CCSER1: variants seen among roughly 807,000 people sequenced by gnomAD.
CCSER1 encodes coiled-coil serine rich protein 1.
In CCSER1, 41 loss-of-function variants were observed where a neutral mutation model predicts 82.0. The observed-to-expected ratio is 0.50, with a 90% CI of 0.39 to 0.65. The LOEUF is 0.65. CCSER1 is among the 30% of genes least tolerant of loss of function. The pLI, the probability that CCSER1 is intolerant of heterozygous loss-of-function variation, is 0.00. For synonymous variants in CCSER1, 414 were observed against 383.9 expected, an observed-to-expected ratio of 1.08 and a Z score of -0.92; for missense variants, 1,119 against 1,064.2, an observed-to-expected ratio of 1.05 and a Z score of -0.72.
At chr4:90,563,960 A>G (rs951533524) in intron 5 of CCSER1, among the ~76,000 whole-genome samples, 2 of 152,036 alleles carry the variant, frequency 1.3e-5, no homozygotes, top group African/African-American at 4.8e-5. Context: ...AGCCTTTGCC[A>G]TTTTGGTAAC....
At chr4:91,598,524 T>C (rs1323327707) in intron 10 of CCSER1, 48 bp from the exon 11 acceptor site, 2 of 1,496,732 alleles carry the variant, frequency 1.3e-6, no homozygotes, top group Non-Finnish European at 1.8e-6. Context: ...ATGTATGCTA[T>C]GAAAGTGTTT....
At chr4:90,856,950 A>G (rs1244898404) in intron 8 of CCSER1, among the ~76,000 whole-genome samples, 1 of 150,316 alleles carries the variant, frequency 6.7e-6, no homozygotes, top group Non-Finnish European at 1.5e-5. Context: ...TTTTTTTTTA[A>G]GACTACAATG....
At chr4:90,591,323 G>A (rs896777245) in intron 5 of CCSER1, among the ~76,000 whole-genome samples, 1 of 152,096 alleles carries the variant, frequency 6.6e-6, no homozygotes, top group African/African-American at 2.4e-5. Context: ...ATACTATGTT[G>A]AATAGGGGTG....
intron 6 of CCSER1, among the ~76,000 whole-genome samples, chr4:90,631,402 CT>C (rs1289232683): frequency 1.3e-5 from 2 of 152,136 alleles, no homozygotes; most frequent in African/African-American, 2.4e-5. Context: ...TATTTTTACA[CT>C]TTTGCTAATA....
intron 3 of CCSER1, among the ~76,000 whole-genome samples, chr4:90,391,712 T>C (rs1034925418): frequency 8.6e-5 from 13 of 151,502 alleles, no homozygotes; most frequent in Admixed American, 8.6e-4. Flanking sequence ...GGCAGAAGTT[T>C]ATGGGAACAC....
In CCSER1 at chr4:90,836,963, A is replaced by T. The variant is rs148036513; in HGVS notation, c.2094+21118A>T. Among the ~76,000 whole-genome samples the T allele has an allele frequency of 1.6e-4, 24 of 152,360 alleles. No individual in the cohort carries two copies. The East Asian group carries it at 4.2e-3, about 27-fold the overall frequency. ...TTTGCAATGATCAGTTGAAGCTGAAAATAACTTTATCTACCACTAATAATA... is the reference window on the plus strand; with the variant it reads ...TTTGCAATGATCAGTTGAAGCTGAATATAACTTTATCTACCACTAATAATA... On this transcript the variant is annotated intron_variant, in intron 8 of 10. Coordinates refer to ENST00000509176, the MANE Select transcript of CCSER1 (RefSeq NM_001145065.2).
intron 10 of CCSER1, among the ~76,000 whole-genome samples, chr4:91,133,345 T>TGTCTGTGG (rs1181473492): frequency 6.6e-6 from 1 of 152,112 alleles, no homozygotes; most frequent in Admixed American, 6.6e-5. Context: ...GTGCTAAGAT[T>TGTCTGTGG]GTCTGTGGGA....
At chr4:90,156,738 C>T (rs1728278582) in intron 1 of CCSER1, among the ~76,000 whole-genome samples, 1 of 152,142 alleles carries the variant, frequency 6.6e-6, no homozygotes, top group Admixed American at 6.6e-5. Context: ...AGATCTTCCT[C>T]TATCCTTTTA....
rs1404784182 is a variant in CCSER1 at position 90,559,215 on chromosome 4, C to T, written c.1725-68810C>T. Among the ~76,000 whole-genome samples the T allele has an allele frequency of 2.6e-5, 4 of 152,192 alleles. 1 individual carries two copies. The South Asian group carries it at 6.2e-4, about 24-fold the overall frequency. On this transcript the variant is annotated intron_variant, in intron 5 of 10. Coordinates refer to ENST00000509176, the MANE Select transcript of CCSER1 (RefSeq NM_001145065.2). ...TAAATTGAGTGTTGTCCAAATTTAG[C>T]TGCCCCCCTTTTATTAATTGCTCCC...
At chr4:91,483,880 C>T (rs945592211) in intron 10 of CCSER1, among the ~76,000 whole-genome samples, 1 of 151,774 alleles carries the variant, frequency 6.6e-6, no homozygotes, top group Non-Finnish European at 1.5e-5. Flanking sequence ...GAACGATAAC[C>T]CCAAGTTTTA....
At chr4:91,148,898 G>T (rs1217506315) in intron 10 of CCSER1, among the ~76,000 whole-genome samples, 1 of 152,116 alleles carries the variant, frequency 6.6e-6, no homozygotes, top group Non-Finnish European at 1.5e-5. Flanking sequence ...TGGACATTTG[G>T]GTTGGTTCCA....
At chr4:91,072,126 A>T (rs979559352) in intron 9 of CCSER1, among the ~76,000 whole-genome samples, 2 of 152,132 alleles carry the variant, frequency 1.3e-5, no homozygotes, top group African/African-American at 4.8e-5. Flanking sequence ...AAGTCCCTGG[A>T]GCAGAAGGAA....
intron 7 of CCSER1, among the ~76,000 whole-genome samples, chr4:90,796,418 T>TAAA (rs70963082): frequency 1.3e-5 from 1 of 79,698 alleles, no homozygotes; most frequent in Non-Finnish European, 2.5e-5. Flanking sequence ...GTACTAAATT[T>TAAA]AAAAAAAAAA....
chr4:91,440,956 T>G (rs1306159876), intron 10 of CCSER1, among the ~76,000 whole-genome samples: 10 of 150,976 alleles, frequency 6.6e-5, no homozygotes, highest in East Asian at 2.0e-4. Context: ...AATAACAGGA[T>G]CTGAAATTGT....
chr4:91,185,595 G>C lies in CCSER1; in HGVS notation c.2217+99601G>C, dbSNP rs188853715. On this transcript the variant is annotated intron_variant, in intron 10 of 10. Transcript: ENST00000509176. The stretch of plus-strand genomic sequence containing the variant: ...AATGGCCTGAGCTGGAAATGCCCAG[G>C]TTTAGAATGGGGCCCAGGACAGGCC... 5.7e-3 allele frequency among the ~76,000 whole-genome samples: 862 copies of C among 152,302 alleles called. 8 individuals are homozygous for C. Among genetic ancestry groups the C allele is most frequent in the Middle Eastern group, 0.014 (4 of 294 alleles).
intron 5 of CCSER1, among the ~76,000 whole-genome samples, chr4:90,516,300 A>C (rs1772261531): frequency 6.6e-6 from 1 of 152,180 alleles, no homozygotes; most frequent in South Asian, 2.1e-4. Context: ...TCCAAACAGG[A>C]AACAGATGAC....
intron 3 of CCSER1, among the ~76,000 whole-genome samples, chr4:90,343,027 G>A (rs1416877041): frequency 6.6e-6 from 1 of 151,724 alleles, no homozygotes; most frequent in Non-Finnish European, 1.5e-5. Flanking sequence ...TCCCCCAAAT[G>A]ATTTAATTAA....
chr4:91,207,323 G>A (rs4482729), intron 10 of CCSER1, among the ~76,000 whole-genome samples: 61,411 of 151,514 alleles, frequency 0.41, 13,106 homozygotes, highest in East Asian at 0.84. Flanking sequence ...GCATAATTAA[G>A]CATAGTACCC....
chr4:91,360,349 G>C (rs1224869585), intron 10 of CCSER1, among the ~76,000 whole-genome samples: 1 of 151,652 alleles, frequency 6.6e-6, no homozygotes, highest in Non-Finnish European at 1.5e-5. Flanking sequence ...CATTAAGAGA[G>C]CTCTTATAAA....
Sources: gnomAD v4.1 joint callset for allele counts (sites outside exome capture counted in the v4.1 genomes callset) on GRCh38, gnomAD v4.1.1 for gene constraint, MANE v1.5 for transcripts, NCBI Gene and HGNC (gene_info 2026-07-23, HGNC 2026-07-21) for gene names.